Variants in SLC43A2 observed in about 807,000 individuals in gnomAD.
SLC43A2 encodes the protein solute carrier family 43 member 2, also known as large neutral amino acids transporter small subunit 4.
Under a neutral mutation model 63.2 loss-of-function variants are expected in SLC43A2, and 38 were observed. The ratio of observed to expected loss-of-function variants is 0.60; its 90% CI spans 0.46 to 0.79. SLC43A2 has a LOEUF of 0.79. SLC43A2 is among the 30% of genes least tolerant of loss of function. The pLI, the probability that SLC43A2 is intolerant of heterozygous loss-of-function variation, is 0.00. For synonymous variants in SLC43A2, 322 were observed against 331.0 expected (o/e 0.97, Z 0.30); for missense variants, 644 against 756.2 (o/e 0.85, Z 1.74).
chr17:1,572,105 G>T lies in SLC43A2; in HGVS notation c.*3499C>A, dbSNP rs1416758154. The T allele has an allele frequency of 6.6e-6, 1 of 152,514 alleles. No homozygotes were observed. Among genetic ancestry groups the T allele is most frequent in the African/African-American group, 2.4e-5 (1 of 41,454 alleles). 9.4% of individuals were successfully genotyped at this position (152,514 alleles called of 1,614,324 possible). On this transcript the variant is annotated 3_prime_UTR_variant, in exon 14 of 14. Transcript: ENST00000301335. ...TGTCTTGCTGGTTGGGGTCACCAGGGATTGCTCCCCCAAGTACCCATCAGC... is the reference window on the plus strand; with the variant it reads ...TGTCTTGCTGGTTGGGGTCACCAGGTATTGCTCCCCCAAGTACCCATCAGC...
At chr17:1,594,844 T>C (rs1905159301) in intron 5 of SLC43A2, among the ~76,000 whole-genome samples, 1 of 151,808 alleles carries the variant, frequency 6.6e-6, no homozygotes, top group Non-Finnish European at 1.5e-5. Context: ...CGCCTTGGCC[T>C]CCCAAAGTGC....
chr17:1,616,227 T>G, intron 3 of SLC43A2: 7 of 299,894 alleles, frequency 2.3e-5, no homozygotes, highest in Non-Finnish European at 6.2e-6. Flanking sequence ...CGTAACAAGG[T>G]TTGAGGGAAG....
chr17:1,607,979 G>C (rs1431101479), intron 5 of SLC43A2, among the ~76,000 whole-genome samples: 1 of 152,096 alleles, frequency 6.6e-6, no homozygotes, highest in Non-Finnish European at 1.5e-5. Flanking sequence ...GCCTCCCAAA[G>C]TGCTGGGGTT....
chr17:1,621,920 C>T (rs114355406), intron 2 of SLC43A2, among the ~76,000 whole-genome samples: 32 of 152,304 alleles, frequency 2.1e-4, no homozygotes, highest in South Asian at 1.5e-3. Flanking sequence ...GCCCATGTGC[C>T]GGCAACACCA....
upstream of SLC43A2, among the ~76,000 whole-genome samples, chr17:1,629,081 G>A (rs1015352530): frequency 3.3e-5 from 5 of 151,992 alleles, no homozygotes; most frequent in Non-Finnish European, 7.4e-5. Context: ...GTCACAGCGC[G>A]GCCGGGAATC....
chr17:1,596,268 G>A (rs1905264568), intron 5 of SLC43A2, among the ~76,000 whole-genome samples: 1 of 151,820 alleles, frequency 6.6e-6, no homozygotes, highest in East Asian at 1.9e-4. Flanking sequence ...GCAGTGAGCT[G>A]ACATTGATCC....
At chr17:1,627,655 CCG>C in intron 2 of SLC43A2, 58 bp downstream of exon 2, 1 of 665,286 alleles carries the variant, frequency 1.5e-6, no homozygotes, top group Non-Finnish European at 2.3e-6. Context: ...CGCCCCCATC[CCG>C]CCCCCTCCCA....
At chr17:1,586,928 T>TGGCCCCCCCCCCCCCCCAACCCCC in intron 9 of SLC43A2, 1 of 1,232,914 alleles carries the variant, frequency 8.1e-7, no homozygotes, top group Non-Finnish European at 1.1e-6. Context: ...TCCCTGACAA[T>TGGCCCCCCCCCCCCCCCAACCCCC]CCCCCCCACC....
intron 11 of SLC43A2, among the ~76,000 whole-genome samples, chr17:1,580,453 G>T (rs1435120112): frequency 6.6e-6 from 1 of 152,174 alleles, no homozygotes; most frequent in Non-Finnish European, 1.5e-5. Flanking sequence ...TGTGCTCCAG[G>T]GTCTCCCAAG....
At chr17:1,598,008 G>A (rs1225837612) in intron 5 of SLC43A2, among the ~76,000 whole-genome samples, 1 of 152,202 alleles carries the variant, frequency 6.6e-6, no homozygotes, top group Non-Finnish European at 1.5e-5. Context: ...TTACTGCACT[G>A]TAGCAAAGGC....
At position 1,586,377 on chromosome 17, in the gene SLC43A2, C is replaced by T. The variant is rs143977908; in HGVS notation, c.1079-326G>A. Among the ~76,000 whole-genome samples, 896 of 152,192 alleles carry T rather than the reference C, an allele frequency of 5.9e-3. 20 individuals carry two copies. Among genetic ancestry groups the T allele is most frequent in the African/African-American group, 0.02 (826 of 41,524 alleles). ...AACTCCTGTGACGGAGGCTAAGTGA[C>T]GGGCCGTTAGTTTCTGTCTCTAGAA... On this transcript the variant is annotated intron_variant, in intron 9 of 13. Transcript: ENST00000301335.
At chr17:1,598,853 G>A (rs974481235) in intron 5 of SLC43A2, among the ~76,000 whole-genome samples, 2 of 152,138 alleles carry the variant, frequency 1.3e-5, no homozygotes, top group African/African-American at 4.8e-5. Context: ...ACAGGGCAGG[G>A]GCCTCCCAGC....
rs563352832 is a variant in SLC43A2 at position 1,617,760 on chromosome 17, G to T, written c.161-991C>A. On this transcript the variant is annotated intron_variant, in intron 2 of 13. Coordinates refer to ENST00000301335, the MANE Select transcript of SLC43A2 (RefSeq NM_152346.3). Reference sequence around the variant, plus strand: ...CATCCCGTGGCCATGCCTAGACCTCGCTGGGTGCTGAGTCTGGTGTGTTTG... The same window carrying T: ...CATCCCGTGGCCATGCCTAGACCTCTCTGGGTGCTGAGTCTGGTGTGTTTG... Among the ~76,000 whole-genome samples the T allele has an allele frequency of 1.1e-4, 16 of 152,228 alleles. No individual in the cohort carries two copies. In the South Asian group the frequency reaches 2.9e-3, roughly 28 times the overall value.
rs560498975 is a variant in SLC43A2, at chr17:1,604,526, C to G, written c.501+8669G>C. On this transcript the variant is annotated intron_variant, in intron 5 of 13. Transcript: ENST00000301335. ...TAGGCAACCTGGGGGTCCCTCACCC[C>G]CCGGAGGTCACCACACTGATGCTGA... The G allele has an allele frequency of 9.8e-4, 594 of 604,654 alleles. 2 individuals are homozygous for G. The highest frequency in any genetic ancestry group is 1.2e-3 in the Non-Finnish European group (410 of 347,214). The allele number at this position is 604,654 out of a possible 1,614,324, so 37.5% of individuals were successfully genotyped here.
rs1472785695 is a variant in SLC43A2 at position 1,628,787 on chromosome 17, A to G, written c.-47+7T>C. ...CCGGCCGCGATCCCCTCCCTGCTGC[A>G]GCTCACCCGGCTCCTCCGGCGTGTG... On this transcript the variant is annotated splice_region_variant and intron_variant, in intron 1 of 13. Coordinates refer to ENST00000301335, the MANE Select transcript of SLC43A2 (RefSeq NM_152346.3). 2 of 151,618 alleles carry G rather than the reference A, an allele frequency of 1.3e-5. No homozygotes were observed. Among genetic ancestry groups the G allele is most frequent in the Non-Finnish European group, 2.9e-5 (2 of 68,330 alleles). 9.4% of individuals were successfully genotyped at this position (151,618 alleles called of 1,614,324 possible).
At chr17:1,600,152 A>ATATATATATATATATTTTTTT (rs1216616243) in intron 5 of SLC43A2, among the ~76,000 whole-genome samples, 1 of 60,278 alleles carries the variant, frequency 1.7e-5, no homozygotes. Flanking sequence ...ATATATATAT[A>ATATATATATATATATTTTTTT]TTTTTTTTTT....
intron 3 of SLC43A2, among the ~76,000 whole-genome samples, chr17:1,615,845 T>TAAA: frequency 7.3e-6 from 1 of 137,312 alleles, no homozygotes; most frequent in African/African-American, 2.7e-5. Context: ...TCCATCTCAA[T>TAAA]AAATAAATAA....
Position 1,578,514 on chromosome 17 carries a change from T to G in SLC43A2, c.1351-191A>C. The G allele has an allele frequency of 1.8e-6, 1 of 542,940 alleles. No individual in the cohort carries two copies. The highest frequency in any genetic ancestry group is 3.3e-6 in the Non-Finnish European group (1 of 303,994). The allele number at this position is 542,940 out of a possible 1,614,324, so 33.6% of individuals were successfully genotyped here. On this transcript the variant is annotated intron_variant, in intron 11 of 13. Transcript: ENST00000301335. This position sits in a 1 kb window ranked among gnomAD's most constrained non-coding sequence, Gnocchi z 6.5. Reference sequence around the variant, plus strand: ...CAGTCGTTAACACAGTCATTTTTTGTTTGTTTGTTTGTTTTGTTTTTTGTT... The same window carrying G: ...CAGTCGTTAACACAGTCATTTTTTGGTTGTTTGTTTGTTTTGTTTTTTGTT...
At chr17:1,615,716 G>T (rs1284069778) in intron 3 of SLC43A2, among the ~76,000 whole-genome samples, 1 of 148,678 alleles carries the variant, frequency 6.7e-6, no homozygotes, top group Admixed American at 6.7e-5. Flanking sequence ...GGTGGCAGGC[G>T]CCTGTGGTCC....
Sources: gnomAD v4.1 joint callset for allele counts (sites outside exome capture counted in the v4.1 genomes callset) on GRCh38, gnomAD v4.1.1 for gene constraint, Gnocchi (gnomAD v3.1) non-coding constraint, MANE v1.5 for transcripts, NCBI Gene and HGNC (gene_info 2026-07-23, HGNC 2026-07-21) for gene names.